RABGEF1: variants seen among roughly 807,000 people sequenced by gnomAD.
The protein encoded by RABGEF1 is rab5 GDP/GTP exchange factor.
RABGEF1 carries 26 observed loss-of-function variants against 57.3 expected under a neutral mutation model. The ratio of observed to expected loss-of-function variants is 0.45; its 90% CI spans 0.33 to 0.63. The LOEUF (loss-of-function observed/expected upper bound fraction) is 0.63, where lower values mean the gene tolerates loss of function less well. Among genes scored for constraint, RABGEF1 ranks in the 20% least tolerant of loss-of-function variants. RABGEF1 has a pLI of 0.02. For synonymous variants in RABGEF1, 185 were observed against 210.7 expected, an observed-to-expected ratio of 0.88 and a Z score of 1.06; for missense variants, 464 against 607.6, an observed-to-expected ratio of 0.76 and a Z score of 2.48.
chr7:66,752,552 A>C (rs1205369016), intron 1 of RABGEF1, among the ~76,000 whole-genome samples: 1 of 152,046 alleles, frequency 6.6e-6, no homozygotes, highest in Admixed American at 6.6e-5. Context: ...ATGGTTCCTC[A>C]TATTCAGAAA....
intron 1 of RABGEF1, among the ~76,000 whole-genome samples, chr7:66,754,486 G>A (rs1391519443): frequency 2.0e-5 from 3 of 151,548 alleles, no homozygotes; most frequent in African/African-American, 2.4e-5. Context: ...GCTTATACCC[G>A]TAATCCCAGC....
At chr7:66,725,347 T>G (rs1796472551) in intron 2 of RABGEF1, among the ~76,000 whole-genome samples, 1 of 152,172 alleles carries the variant, frequency 6.6e-6, no homozygotes, top group South Asian at 2.1e-4. Context: ...CCCTTAGCCC[T>G]TGTCCCACAG....
chr7:66,733,473 CAGATCAGG>C (rs973157092), intron 2 of RABGEF1, among the ~76,000 whole-genome samples: 14 of 152,000 alleles, frequency 9.2e-5, no homozygotes, highest in African/African-American at 3.4e-4. Flanking sequence ...CTGAAGTGGG[CAGATCAGG>C]AGATCAGGAG....
upstream of RABGEF1, among the ~76,000 whole-genome samples, chr7:66,681,381 G>A (rs960624367): frequency 2.0e-5 from 3 of 148,328 alleles, no homozygotes; most frequent in African/African-American, 5.0e-5. Context: ...TCACTTCTGG[G>A]TCTCAGTTAC....
chr7:66,807,624 A>G (rs1348860719), intron 8 of RABGEF1, among the ~76,000 whole-genome samples: 1 of 152,102 alleles, frequency 6.6e-6, no homozygotes, highest in African/African-American at 2.4e-5. Context: ...GTTCAGAGCT[A>G]CTTCCCCTTC....
chr7:66,705,443 A>AAGACAAAG (rs540794271), intron 1 of RABGEF1, among the ~76,000 whole-genome samples: 78 of 66,352 alleles, frequency 1.2e-3, no homozygotes, highest in East Asian at 9.2e-3. Flanking sequence ...TCTCGAAAGA[A>AAGACAAAG]AGAGAGAGAG....
intron 1 of RABGEF1, among the ~76,000 whole-genome samples, chr7:66,754,030 T>A (rs1457516837): frequency 1.6e-5 from 2 of 127,330 alleles, no homozygotes; most frequent in Non-Finnish European, 3.3e-5. Context: ...TGAGACAGAG[T>A]CTTGCTCTGT....
chr7:66,764,313 T>A (rs1309095798), intron 1 of RABGEF1, among the ~76,000 whole-genome samples: 1 of 151,690 alleles, frequency 6.6e-6, no homozygotes, highest in Non-Finnish European at 1.5e-5. Context: ...CTAAAAAAAA[T>A]TGTTAATTTT....
intron 1 of RABGEF1, among the ~76,000 whole-genome samples, chr7:66,706,841 T>G (rs1794172140): frequency 6.8e-6 from 1 of 147,318 alleles, no homozygotes; most frequent in South Asian, 2.2e-4. Context: ...GACTGCAGTT[T>G]CGCGATCTCA....
At chr7:66,699,581 A>G (rs1369833713) in intron 1 of RABGEF1, among the ~76,000 whole-genome samples, 1 of 151,782 alleles carries the variant, frequency 6.6e-6, no homozygotes, top group Non-Finnish European at 1.5e-5. Context: ...AATCTTAGCT[A>G]CTCGGGAGGC....
chr7:66,805,309 C>A lies in RABGEF1; in HGVS notation c.990C>A (p.Arg330=). The change falls in exon 8 of 9, where the codon CGC becomes CGA. Residue 330 remains arginine, a synonymous_variant. Coordinates refer to ENST00000284957, the MANE Select transcript of RABGEF1 (RefSeq NM_014504.3). ...IYIVLKGNPP[R]LQSNIQYITR... is the part of the protein sequence containing the mutation. ...TTGTTTTGAAGGGCAACCCCCCACG[C>A]CTTCAGTCTAATATCCAGTATATCA... The A allele has an allele frequency of 6.2e-7, 1 of 1,614,192 alleles. No homozygotes were observed. Among genetic ancestry groups the A allele is most frequent in the Non-Finnish European group, 8.5e-7 (1 of 1,180,042 alleles).
intron 7 of RABGEF1, among the ~76,000 whole-genome samples, chr7:66,801,374 T>G (rs1375404227): frequency 6.6e-6 from 1 of 152,240 alleles, no homozygotes; most frequent in Non-Finnish European, 1.5e-5. Flanking sequence ...AGCATTTAGC[T>G]TTTGTATTAC....
rs564473131 is a variant in RABGEF1, at chr7:66,750,314, A to G, written c.-18+9522A>G. On this transcript the variant is annotated intron_variant, in intron 1 of 8. Transcript: ENST00000284957. The stretch of plus-strand genomic sequence containing the variant: ...ATGCTAACTGCTGATGCTTTTTATA[A>G]AACATTGTTAAGGTGTTACTTGCCC... Among the ~76,000 whole-genome samples, 6 of 152,314 alleles carry G rather than the reference A, an allele frequency of 3.9e-5. No homozygotes were observed. The South Asian group carries it at 1.2e-3, about 32-fold the overall frequency.
chr7:66,739,597 G>A (rs557635269), upstream of RABGEF1, among the ~76,000 whole-genome samples: 1 of 148,034 alleles, frequency 6.8e-6, no homozygotes, highest in East Asian at 2.0e-4. Context: ...AGGAGGCGGA[G>A]GTTGCAGTAA....
chr7:66,750,217 T>C lies in RABGEF1; in HGVS notation c.-18+9425T>C, dbSNP rs1801107799. 2.0e-5 allele frequency among the ~76,000 whole-genome samples: 3 copies of C among 152,228 alleles called. No individual in the cohort carries two copies. The South Asian group carries it at 6.2e-4, about 32-fold the overall frequency. On this transcript the variant is annotated intron_variant, in intron 1 of 8. Coordinates refer to ENST00000284957, the MANE Select transcript of RABGEF1 (RefSeq NM_014504.3). ...TTTATTTGTCTAGGGTTTTAAAAGTTGTATAGTCATGAATGGACACTTTTT... is the reference window on the plus strand; with the variant it reads ...TTTATTTGTCTAGGGTTTTAAAAGTCGTATAGTCATGAATGGACACTTTTT...
At chr7:66,756,644 T>C in intron 1 of RABGEF1, among the ~76,000 whole-genome samples, 1 of 152,250 alleles carries the variant, frequency 6.6e-6, no homozygotes, top group East Asian at 1.9e-4. Flanking sequence ...TTTCAGTTTA[T>C]GTATTTTAAG....
At chr7:66,751,516 C>G (rs1351944726) in intron 1 of RABGEF1, among the ~76,000 whole-genome samples, 1 of 152,174 alleles carries the variant, frequency 6.6e-6, no homozygotes, top group Non-Finnish European at 1.5e-5. Context: ...GAAGAAATCA[C>G]TCTTCCTTTT....
At chr7:66,715,944 G>A (rs2659903) in intron 2 of RABGEF1, among the ~76,000 whole-genome samples, 15,714 of 152,166 alleles carry the variant, frequency 0.1, 991 homozygotes, top group South Asian at 0.2. Flanking sequence ...GACTACAGTT[G>A]TGGATGGAGT....
chr7:66,732,943 C>A (rs1797510600), intron 2 of RABGEF1, among the ~76,000 whole-genome samples: 1 of 152,198 alleles, frequency 6.6e-6, no homozygotes, highest in Non-Finnish European at 1.5e-5. Flanking sequence ...TCTCGGCAGT[C>A]AGGGTGAGCT....
Sources: gnomAD v4.1 joint callset for allele counts (sites outside exome capture counted in the v4.1 genomes callset) on GRCh38, gnomAD v4.1.1 for gene constraint, MANE v1.5 for transcripts, NCBI Gene and HGNC (gene_info 2026-07-23, HGNC 2026-07-21) for gene names.